The following MCFD2 variants were observed in gnomAD, a reference collection of about 807,000 sequenced individuals.
MCFD2 encodes multiple coagulation factor deficiency 2, ER cargo receptor complex subunit.
MCFD2 carries 11 observed loss-of-function variants against 12.8 expected under a neutral mutation model. The ratio of observed to expected loss-of-function variants is 0.86; its 90% confidence interval spans 0.54 to 1.42. The LOEUF is 1.42. Ranked by LOEUF, MCFD2 falls within the 40% of genes most tolerant of loss-of-function variation. The pLI, the probability that MCFD2 is intolerant of heterozygous loss-of-function variation, is 0.00. For synonymous variants in MCFD2, 70 were observed against 68.1 expected (o/e 1.03, Z -0.14); for missense variants, 191 against 178.6 (o/e 1.07, Z -0.40).
intron 1 of MCFD2, among the ~76,000 whole-genome samples, chr2:46,928,629 A>C (rs984936244): frequency 1.3e-5 from 2 of 152,006 alleles, no homozygotes; most frequent in Non-Finnish European, 2.9e-5. Context: ...AATTGACCAG[A>C]TGTGGTGACA....
Position 46,902,743 on chromosome 2 carries a change from C to T in MCFD2, c.*2720G>A, listed in dbSNP as rs150799189. On this transcript the variant is annotated 3_prime_UTR_variant, in exon 4 of 4. Coordinates refer to ENST00000319466, the MANE Select transcript of MCFD2 (RefSeq NM_139279.6). ...GCTTTGAAATAGCCTAATAAATATC[C>T]ACTTGCCCAGAGCAAGTAATCATTT... is the stretch of plus-strand genomic sequence containing the variant. The T allele has an allele frequency of 6.6e-6, 1 of 152,324 alleles. No homozygotes were observed. Among genetic ancestry groups the T allele is most frequent in the Non-Finnish European group, 1.5e-5 (1 of 68,022 alleles). 9.4% of individuals were successfully genotyped at this position (152,324 alleles called of 1,614,324 possible). A position where few individuals can be genotyped will look rare whatever the true frequency, so the allele number is the denominator to read the frequency against.
chr2:46,919,960 G>A (rs1669014377), upstream of MCFD2, among the ~76,000 whole-genome samples: 1 of 152,180 alleles, frequency 6.6e-6, no homozygotes, highest in Non-Finnish European at 1.5e-5. Flanking sequence ...TCATATTTCT[G>A]ATAAGGGTGA....
intron 1 of MCFD2, among the ~76,000 whole-genome samples, chr2:46,928,475 A>C (rs1558477954): frequency 2.6e-5 from 4 of 151,392 alleles, no homozygotes; most frequent in South Asian, 2.1e-4. Flanking sequence ...AAAAAAAAAA[A>C]AAAAAAAAAA....
At chr2:46,935,818 G>A (rs901991442) in intron 1 of MCFD2, among the ~76,000 whole-genome samples, 3 of 152,132 alleles carry the variant, frequency 2.0e-5, no homozygotes, top group Non-Finnish European at 4.4e-5. Flanking sequence ...TTTTAGGTGT[G>A]ATGGCTCACA....
intron 1 of MCFD2, among the ~76,000 whole-genome samples, chr2:46,929,470 C>T (rs1669580060): frequency 6.6e-6 from 1 of 152,210 alleles, no homozygotes; most frequent in Non-Finnish European, 1.5e-5. Context: ...GGCAACAGAG[C>T]ACGACCCTGT....
At chr2:46,922,754 C>T (rs1022252937) in intron 1 of MCFD2, among the ~76,000 whole-genome samples, 5 of 152,124 alleles carry the variant, frequency 3.3e-5, no homozygotes, top group African/African-American at 9.7e-5. Context: ...GGGCTCTTCC[C>T]ACACTGGAGG....
upstream of MCFD2, among the ~76,000 whole-genome samples, chr2:46,918,346 A>C (rs1365961214): frequency 6.6e-6 from 1 of 152,152 alleles, no homozygotes; most frequent in African/African-American, 2.4e-5. Flanking sequence ...TGAGTCTTTG[A>C]CTTCTTTCCA....
intron 1 of MCFD2, among the ~76,000 whole-genome samples, chr2:46,920,837 A>C (rs72886655): frequency 0.027 from 4,179 of 152,196 alleles, 109 homozygotes; most frequent in African/African-American, 0.067. Context: ...CTCTCACATT[A>C]AAATGAAAAT....
rs1484184249 is a variant in MCFD2 at position 46,905,523 on chromosome 2, A to ATC, written c.379_380dup (p.Asp127GlufsTer48). 6.2e-7 allele frequency: 1 copy of ATC among 1,613,592 alleles called. No individual in the cohort carries two copies. The highest frequency in any genetic ancestry group is 1.3e-5 in the African/African-American group (1 of 74,984). Reference sequence around the variant, plus strand: ...TGTATCCATCATTGTTCTTGTCATCATCTCTCAAAACACCATCTATTATGT... The same window carrying ATC: ...TGTATCCATCATTGTTCTTGTCATCATCTCTCTCAAAACACCATCTATTATGT... On this transcript the variant is annotated frameshift_variant, in exon 4 of 4. Transcript: ENST00000319466. LOFTEE classifies it high-confidence loss of function.
intron 1 of MCFD2, among the ~76,000 whole-genome samples, chr2:46,927,671 A>C (rs1307741154): frequency 6.6e-6 from 1 of 151,934 alleles, no homozygotes; most frequent in Non-Finnish European, 1.5e-5. Flanking sequence ...AAAAAAGATT[A>C]TTATTAAAGG....
At chr2:46,921,091 C>G (rs1046109603) in intron 1 of MCFD2, among the ~76,000 whole-genome samples, 10 of 152,120 alleles carry the variant, frequency 6.6e-5, no homozygotes, top group Non-Finnish European at 1.5e-4. Flanking sequence ...ATGCTTTTCC[C>G]TTAATATCAG....
In MCFD2 at chr2:46,908,673, A is replaced by T. The variant is rs1668348026; in HGVS notation, c.149+350T>A. The T allele has an allele frequency of 2.8e-6, 1 of 361,362 alleles. No homozygotes were observed. The highest frequency in any genetic ancestry group is 2.1e-5 in the African/African-American group (1 of 47,696). The allele number at this position is 361,362 out of a possible 1,614,324, so 22.4% of individuals were successfully genotyped here. On this transcript the variant is annotated intron_variant, in intron 2 of 3. Transcript: ENST00000319466. The surrounding 1 kb of genome is among the most constrained non-coding windows in gnomAD (Gnocchi z 4.5). ...GTGTTGATTTAAAAAAGGTCTTGTT[A>T]TAGTCAAGAAACCTTAGCTATTTTC...
intron 3 of MCFD2, chr2:46,906,832 G>C (rs1668260578): frequency 6.6e-6 from 1 of 151,980 alleles, no homozygotes; most frequent in Non-Finnish European, 1.5e-5. Flanking sequence ...GAAAATGGGA[G>C]GGTTTTGTTT....
chr2:46,922,180 C>T (rs1188727000), intron 1 of MCFD2, among the ~76,000 whole-genome samples: 1 of 152,020 alleles, frequency 6.6e-6, no homozygotes, highest in African/African-American at 2.4e-5. Context: ...TTCTGATGAC[C>T]TGGAGATTTT....
chr2:46,914,891 G>C (rs1235858762), intron 1 of MCFD2, among the ~76,000 whole-genome samples: 2 of 152,206 alleles, frequency 1.3e-5, no homozygotes. Flanking sequence ...CAGTACAGTC[G>C]AGACAAATGA....
chr2:46,927,473 C>T (rs971796128), intron 1 of MCFD2, among the ~76,000 whole-genome samples: 1 of 151,394 alleles, frequency 6.6e-6, no homozygotes, highest in Admixed American at 6.6e-5. Context: ...TCTCCCACCT[C>T]AACCTCCAGA....
chr2:46,908,872 G>A lies in MCFD2; in HGVS notation c.149+151C>T, dbSNP rs895862138. ...ATGAAAAAAGAATACCTGACTTATA[G>A]GTGGCAATAAGGAATAAGAATCATC... is the stretch of plus-strand genomic sequence containing the variant. On this transcript the variant is annotated intron_variant, in intron 2 of 3. Coordinates refer to ENST00000319466, the MANE Select transcript of MCFD2 (RefSeq NM_139279.6). This position sits in a 1 kb window ranked among gnomAD's most constrained non-coding sequence, Gnocchi z 4.5. The A allele has an allele frequency of 3.9e-6, 4 of 1,012,842 alleles. No individual in the cohort carries two copies. In the African/African-American group the frequency reaches 4.8e-5, roughly 12 times the overall value. 62.7% of individuals were successfully genotyped at this position (1,012,842 alleles called of 1,614,324 possible).
At chr2:46,920,436 TCTC>T (rs1669043719), upstream of MCFD2, among the ~76,000 whole-genome samples, 2 of 152,050 alleles carry the variant, frequency 1.3e-5, no homozygotes, top group Non-Finnish European at 2.9e-5. Context: ...TTCAAGCAGT[TCTC>T]CTGCCTCAGC....
At chr2:46,909,276 G>C (rs567368529) in intron 1 of MCFD2, 99 bp from the exon 2 acceptor site, 14 of 1,376,626 alleles carry the variant, frequency 1.0e-5, no homozygotes, top group Non-Finnish European at 1.4e-5. Context: ...TGATGAAGCA[G>C]TAAGGTTAGG....
Sources: gnomAD v4.1 joint callset for allele counts (sites outside exome capture counted in the v4.1 genomes callset) on GRCh38, gnomAD v4.1.1 for gene constraint, Gnocchi (gnomAD v3.1) non-coding constraint, MANE v1.5 for transcripts, NCBI Gene and HGNC (gene_info 2026-07-23, HGNC 2026-07-21) for gene names.